Variants in GOLGB1 observed in about 807,000 individuals in gnomAD.
GOLGB1 encodes golgin subfamily B member 1.
GOLGB1 carries 174 observed loss-of-function variants against 336.9 expected under a neutral mutation model. The ratio of observed to expected loss-of-function variants is 0.52; its 90% CI spans 0.46 to 0.59. GOLGB1 has a LOEUF of 0.59. Among genes scored for constraint, GOLGB1 ranks in the 20% least tolerant of loss-of-function variants. The probability of loss-of-function intolerance (pLI) is 0.00; values close to 1 mark genes in which losing one functional copy is unlikely to be tolerated. For synonymous variants in GOLGB1, 1,208 were observed against 1,289.2 expected, an observed-to-expected ratio of 0.94 and a Z score of 1.35; for missense variants, 3,331 against 3,645.3, an observed-to-expected ratio of 0.91 and a Z score of 2.22.
At chr3:121,716,359 T>C (rs886166678) in intron 9 of GOLGB1, among the ~76,000 whole-genome samples, 5 of 152,224 alleles carry the variant, frequency 3.3e-5, no homozygotes, top group African/African-American at 9.6e-5. Context: ...TTCAGATTTA[T>C]GGATAACTCC....
At chr3:121,666,571 AT>A (rs2107526459) in intron 20 of GOLGB1, among the ~76,000 whole-genome samples, 1 of 152,320 alleles carries the variant, frequency 6.6e-6, no homozygotes, top group South Asian at 2.1e-4. Context: ...GGTGATGAAA[AT>A]TAAGAAGTTG....
intron 7 of GOLGB1, among the ~76,000 whole-genome samples, chr3:121,719,423 C>G (rs529378555): frequency 6.6e-6 from 1 of 152,112 alleles, no homozygotes; most frequent in Admixed American, 6.6e-5. Flanking sequence ...ACCAACTAAA[C>G]TCAGCTTTTG....
rs1942701948 is a variant in GOLGB1, at chr3:121,693,937, T to G, written c.6586A>C (p.Thr2196Pro). ...DSTVTQLAAF[T>P]KSMSSLQDDR... ...TCCTGGAGGGAAGACATGCTCTTAG[T>G]AAAGGCTGCAAGCTGGGTCACAGTA... Residue 2196 changes from threonine to proline, a missense_variant, in exon 13 of 22, where the codon ACT becomes CCT. By Grantham distance (38) the Thr-to-Pro change is conservative. Coordinates refer to ENST00000614479, the MANE Select transcript of GOLGB1 (RefSeq NM_001366282.2). 1 of 1,614,032 alleles carries G rather than the reference T, an allele frequency of 6.2e-7. No homozygotes were observed. The highest frequency in any genetic ancestry group is 8.5e-7 in the Non-Finnish European group (1 of 1,179,876).
intron 14 of GOLGB1, among the ~76,000 whole-genome samples, chr3:121,682,172 G>C (rs1358943364): frequency 6.6e-6 from 1 of 152,188 alleles, no homozygotes; most frequent in Non-Finnish European, 1.5e-5. Flanking sequence ...ACGTGGGGTA[G>C]ACTTAAGAGA....
Position 121,695,470 on chromosome 3 carries a change from T to G in GOLGB1, c.5053A>C (p.Lys1685Gln). The G allele has an allele frequency of 6.2e-7, 1 of 1,613,814 alleles. No individual in the cohort carries two copies. The highest frequency in any genetic ancestry group is 8.5e-7 in the Non-Finnish European group (1 of 1,179,836). The change falls in exon 13 of 22, where the codon AAG becomes CAG. Residue 1685 changes from lysine to glutamine, a missense_variant. Transcript: ENST00000614479. The stretch of plus-strand genomic sequence containing the variant: ...TTCTGCTGTTTAGATTTAGCAAACT[T>G]TCTCATCTTTTCTTTCATTTCCTCC... ...EMEEMKEKMRKFAKSKQQKIL... is the reference protein window; with the variant it reads ...EMEEMKEKMRQFAKSKQQKIL...
At chr3:121,700,935 T>G (rs1411671951) in intron 11 of GOLGB1, among the ~76,000 whole-genome samples, 1 of 152,118 alleles carries the variant, frequency 6.6e-6, no homozygotes, top group Non-Finnish European at 1.5e-5. Context: ...TATAAACAGG[T>G]TTGTAGTCTG....
At chr3:121,746,137 T>C (rs571320946) in intron 1 of GOLGB1, among the ~76,000 whole-genome samples, 3 of 152,330 alleles carry the variant, frequency 2.0e-5, no homozygotes, top group East Asian at 1.9e-4. Context: ...TAGGTTTCAG[T>C]TGAGGTGACT....
chr3:121,731,995 T>C (rs942279798), intron 1 of GOLGB1, among the ~76,000 whole-genome samples: 1 of 152,120 alleles, frequency 6.6e-6, no homozygotes, highest in Non-Finnish European at 1.5e-5. Flanking sequence ...GGAAACATCA[T>C]TAATGATCTA....
chr3:121,739,941 T>C (rs530561209), intron 1 of GOLGB1, among the ~76,000 whole-genome samples: 1 of 152,186 alleles, frequency 6.6e-6, no homozygotes, highest in Admixed American at 6.5e-5. Context: ...TTACATTGAA[T>C]GAAAAAAAGC....
chr3:121,715,464 C>T (rs980603912), intron 9 of GOLGB1, among the ~76,000 whole-genome samples: 5 of 151,306 alleles, frequency 3.3e-5, no homozygotes, highest in East Asian at 3.9e-4. Flanking sequence ...TAATCCCCCC[C>T]ACCTTGACCT....
intron 4 of GOLGB1, among the ~76,000 whole-genome samples, chr3:121,728,035 T>C (rs1381696417): frequency 1.3e-5 from 2 of 152,174 alleles, no homozygotes; most frequent in South Asian, 2.1e-4. Flanking sequence ...AATTTAAAAA[T>C]CTGACATCAT....
intron 2 of GOLGB1, among the ~76,000 whole-genome samples, chr3:121,730,653 G>C (rs980949332): frequency 1.1e-4 from 17 of 152,204 alleles, no homozygotes; most frequent in African/African-American, 2.9e-4. Flanking sequence ...AGACAAATGA[G>C]AAAGCCCTTT....
At chr3:121,714,749 A>G in intron 10 of GOLGB1, 112 bp downstream of exon 10, 1 of 740,608 alleles carries the variant, frequency 1.4e-6, no homozygotes, top group Non-Finnish European at 2.3e-6. Flanking sequence ...TTTCAGGCAG[A>G]AAAAACAGAA....
Position 121,681,790 on chromosome 3 carries a change from C to G in GOLGB1, c.8770G>C (p.Ala2924Pro). 4 of 1,597,310 alleles carry G rather than the reference C, an allele frequency of 2.5e-6. No homozygotes were observed. Among genetic ancestry groups the G allele is most frequent in the Non-Finnish European group, 3.4e-6 (4 of 1,164,838 alleles). The change falls in exon 15 of 22, where the codon GCT becomes CCT. Residue 2924 changes from alanine (A) to proline (P), a missense_variant. Ala to Pro is a conservative substitution (Grantham distance 27). Coordinates refer to ENST00000614479, the MANE Select transcript of GOLGB1 (RefSeq NM_001366282.2). Reference protein sequence around the residue: ...QEITELHPLKAQLQEYQDKTK... With the variant: ...QEITELHPLKPQLQEYQDKTK... The stretch of plus-strand genomic sequence containing the variant: ...TTATCTTGATACTCCTGAAGTTGAG[C>G]CTTCAGTGGATGTAACTCAGTGATC...
intron 1 of GOLGB1, among the ~76,000 whole-genome samples, chr3:121,741,727 A>G (rs913915537): frequency 6.6e-6 from 1 of 151,812 alleles, no homozygotes; most frequent in African/African-American, 2.4e-5. Context: ...TCAGTATTTT[A>G]TATTTGTTCA....
intron 10 of GOLGB1, among the ~76,000 whole-genome samples, chr3:121,712,366 A>G (rs1245169736): frequency 1.3e-5 from 2 of 152,176 alleles, no homozygotes; most frequent in African/African-American, 4.8e-5. Flanking sequence ...GGAAGAAAGC[A>G]TAAGAGAATA....
At chr3:121,700,665 C>T (rs1212096801) in intron 11 of GOLGB1, among the ~76,000 whole-genome samples, 1 of 152,038 alleles carries the variant, frequency 6.6e-6, no homozygotes, top group African/African-American at 2.4e-5. Flanking sequence ...GCTCTAAAAA[C>T]ACTGGTCTGT....
At chr3:121,684,555 A>C (rs897663482) in intron 14 of GOLGB1, among the ~76,000 whole-genome samples, 1 of 152,124 alleles carries the variant, frequency 6.6e-6, no homozygotes, top group Non-Finnish European at 1.5e-5. Flanking sequence ...GGGGAAGGGA[A>C]GTGAGAAACA....
At position 121,667,492 on chromosome 3, in the gene GOLGB1, C is replaced by T. The variant is rs1413429463; in HGVS notation, c.9538G>A (p.Glu3180Lys). 4.3e-6 allele frequency: 7 copies of T among 1,613,924 alleles called. No individual in the cohort carries two copies. Among genetic ancestry groups the T allele is most frequent in the Admixed American group, 1.7e-5 (1 of 60,012 alleles). Residue 3180 changes from glutamate (E) to lysine (K), a missense_variant, in exon 20 of 22, where the codon GAG becomes AAG. Glu to Lys is a moderately conservative substitution (Grantham distance 56). Coordinates refer to ENST00000614479, the MANE Select transcript of GOLGB1 (RefSeq NM_001366282.2). ...AGCCTTTACCGTCTGATCTGCTCCT[C>T]GGCCACAGAGAGAGCATTCTCAGCA... ...VAAENALSVA[E>K]EQIRRLEHSE...
Sources: allele counts gnomAD v4.1 joint callset (sites outside exome capture counted in the v4.1 genomes callset), GRCh38; gene constraint gnomAD v4.1.1; transcripts MANE v1.5; gene names NCBI Gene and HGNC (gene_info 2026-07-23, HGNC 2026-07-21).